The following BTBD9 variants were observed in gnomAD, a reference collection of about 807,000 sequenced individuals.
BTBD9 encodes BTB domain containing 9, also known as BTB/POZ domain-containing protein 9.
Under a neutral mutation model 64.3 loss-of-function variants are expected in BTBD9, and 49 were observed. That is an observed-to-expected ratio of 0.76 (90% CI 0.61 to 0.97). The LOEUF is 0.97. Among genes scored for constraint, BTBD9 ranks in the 50% least tolerant of loss-of-function variants. The probability of loss-of-function intolerance (pLI) is 0.00; values close to 1 mark genes in which losing one functional copy is unlikely to be tolerated. For missense variants in BTBD9, 598 were observed against 762.1 expected, an observed-to-expected ratio of 0.78 and a Z score of 2.53; for synonymous variants, 260 against 274.7, an observed-to-expected ratio of 0.95 and a Z score of 0.53.
chr6:38,330,876 G>C (rs896504116), intron 7 of BTBD9, among the ~76,000 whole-genome samples: 3 of 152,190 alleles, frequency 2.0e-5, no homozygotes, highest in South Asian at 2.1e-4. Flanking sequence ...AAACACAAAA[G>C]AAATGTTAAA....
At position 38,436,271 on chromosome 6, in the gene BTBD9, C is replaced by T. The variant is rs111485394; in HGVS notation, c.1155-91178G>A. On this transcript the variant is annotated intron_variant, in intron 6 of 10. Coordinates refer to ENST00000481247, the MANE Select transcript of BTBD9 (RefSeq NM_001099272.2). ...TCCTGTCTTAAATCCAAATCTCCCA[C>T]GCTACTTTCTATAAATACTTTATTT... 5.1e-3 allele frequency among the ~76,000 whole-genome samples: 776 copies of T among 151,896 alleles called. 16 individuals carry two copies. Among genetic ancestry groups the T allele is most frequent in the African/African-American group, 0.018 (724 of 41,228 alleles).
chr6:38,467,285 CAA>C (rs1770438323), intron 6 of BTBD9, among the ~76,000 whole-genome samples: 2 of 152,180 alleles, frequency 1.3e-5, no homozygotes, highest in Admixed American at 1.3e-4. Flanking sequence ...TTCTTTTCCT[CAA>C]AGTTTCTTCC....
At position 38,174,757 on chromosome 6, in the gene BTBD9, A is replaced by T; in HGVS notation, c.*228T>A. The T allele has an allele frequency of 1.8e-6, 1 of 556,896 alleles. No homozygotes were observed. Among genetic ancestry groups the T allele is most frequent in the East Asian group, 3.0e-5 (1 of 33,890 alleles). 34.5% of individuals were successfully genotyped at this position (556,896 alleles called of 1,614,324 possible). A position where few individuals can be genotyped will look rare whatever the true frequency, so the allele number is the denominator to read the frequency against. On this transcript the variant is annotated 3_prime_UTR_variant, in exon 11 of 11. Transcript: ENST00000481247. ...TGGACTTGATGAAGATTGAAGACCC[A>T]TTTTCTCCCCCTTGAGACCTGCCTG...
At chr6:38,551,832 A>G (rs964356475) in intron 6 of BTBD9, among the ~76,000 whole-genome samples, 3 of 152,252 alleles carry the variant, frequency 2.0e-5, no homozygotes, top group African/African-American at 7.2e-5. Context: ...AAAAGTGTAA[A>G]GAGACCTGCA....
intron 8 of BTBD9, among the ~76,000 whole-genome samples, chr6:38,275,014 A>C (rs995204621): frequency 1.3e-5 from 2 of 152,150 alleles, no homozygotes; most frequent in African/African-American, 4.8e-5. Context: ...GTTCATATGG[A>C]ACCAAAAAAG....
At chr6:38,600,792 T>A (rs1304394867) in intron 1 of BTBD9, among the ~76,000 whole-genome samples, 1 of 152,194 alleles carries the variant, frequency 6.6e-6, no homozygotes, top group Non-Finnish European at 1.5e-5. Context: ...TGATATATCA[T>A]AAACATTAAT....
intron 7 of BTBD9, among the ~76,000 whole-genome samples, chr6:38,303,846 T>G (rs1178754821): frequency 2.2e-5 from 2 of 90,532 alleles, no homozygotes; most frequent in South Asian, 3.8e-4. Context: ...GCTAGATATA[T>G]ATATATATAT....
At chr6:38,508,193 T>C (rs1352165531) in intron 6 of BTBD9, among the ~76,000 whole-genome samples, 1 of 152,084 alleles carries the variant, frequency 6.6e-6, no homozygotes, top group Non-Finnish European at 1.5e-5. Context: ...TGCTCAAATA[T>C]CTAGTTGACA....
rs183550362 is a variant in BTBD9 at position 38,399,950 on chromosome 6, C to T, written c.1155-54857G>A. ...TTTTTTTTTGTATTTTTAGTAGAGACGGGGTTTCTCTATGTTGGTCATGCT... is the reference window on the plus strand; with the variant it reads ...TTTTTTTTTGTATTTTTAGTAGAGATGGGGTTTCTCTATGTTGGTCATGCT... On this transcript the variant is annotated intron_variant, in intron 6 of 10. Coordinates refer to ENST00000481247, the MANE Select transcript of BTBD9 (RefSeq NM_001099272.2). Among the ~76,000 whole-genome samples, 602 of 149,566 alleles carry T rather than the reference C, an allele frequency of 4.0e-3. 3 individuals carry two copies. Among genetic ancestry groups the T allele is most frequent in the African/African-American group, 0.013 (540 of 40,536 alleles).
chr6:38,591,432 T>C (rs1454558988), intron 4 of BTBD9, among the ~76,000 whole-genome samples: 1 of 152,252 alleles, frequency 6.6e-6, no homozygotes, highest in Non-Finnish European at 1.5e-5. Flanking sequence ...TGAAGTTCTA[T>C]AACATGTACT....
chr6:38,258,252 T>C (rs62397015), intron 8 of BTBD9, among the ~76,000 whole-genome samples: 3,384 of 152,006 alleles, frequency 0.022, 135 homozygotes, highest in Admixed American at 0.093. Context: ...TCCCAAAGTG[T>C]TGGGATTACA....
intron 6 of BTBD9, among the ~76,000 whole-genome samples, chr6:38,554,638 A>T (rs1490339241): frequency 6.6e-6 from 1 of 152,234 alleles, no homozygotes; most frequent in African/African-American, 2.4e-5. Context: ...TGTGCATTGT[A>T]ATTTCAAGTG....
intron 9 of BTBD9, among the ~76,000 whole-genome samples, chr6:38,192,844 T>A (rs992735468): frequency 7.0e-6 from 1 of 142,284 alleles, no homozygotes. Context: ...GAATGTCACT[T>A]AGGCTTCTTA....
chr6:38,413,905 T>A (rs550127161), intron 6 of BTBD9, among the ~76,000 whole-genome samples: 1 of 152,308 alleles, frequency 6.6e-6, no homozygotes, highest in African/African-American at 2.4e-5. Flanking sequence ...ATGGTTGTAA[T>A]AAGGTGTCTA....
At chr6:38,397,792 TGATA>T (rs1454677541) in intron 6 of BTBD9, among the ~76,000 whole-genome samples, 5 of 152,146 alleles carry the variant, frequency 3.3e-5, no homozygotes, top group South Asian at 2.1e-4. Flanking sequence ...CACAAGACAG[TGATA>T]GATAGGGCTG....
intron 6 of BTBD9, among the ~76,000 whole-genome samples, chr6:38,447,677 C>G (rs1342313108): frequency 6.6e-6 from 1 of 152,084 alleles, no homozygotes; most frequent in Non-Finnish European, 1.5e-5. Flanking sequence ...GATTACAAAG[C>G]AAGAAAAAAT....
At chr6:38,628,904 T>C (rs967429252) in intron 1 of BTBD9, among the ~76,000 whole-genome samples, 7 of 151,884 alleles carry the variant, frequency 4.6e-5, no homozygotes, top group African/African-American at 1.7e-4. Context: ...GTAGGGAAAA[T>C]ATGAGATAAA....
rs1258502657 is a variant in BTBD9, at chr6:38,592,741, T to G, written c.649A>C (p.Asn217His). ...ACAGCCTGCATGATTTCAGCATGAT[T>G]CTCCTTTGAATTGTGCTTACACCAG... is the stretch of plus-strand genomic sequence containing the variant. ...LNWCKHNSKE[N>H]HAEIMQAVRL... Residue 217 changes from asparagine to histidine, a missense_variant, in exon 4 of 11, where the codon AAT becomes CAT. Coordinates refer to ENST00000481247, the MANE Select transcript of BTBD9 (RefSeq NM_001099272.2). 1.2e-6 allele frequency: 2 copies of G among 1,614,190 alleles called. No individual in the cohort carries two copies. Among genetic ancestry groups the G allele is most frequent in the Non-Finnish European group, 1.7e-6 (2 of 1,180,028 alleles).
chr6:38,405,660 T>C (rs532513978), intron 6 of BTBD9, among the ~76,000 whole-genome samples: 2 of 152,196 alleles, frequency 1.3e-5, no homozygotes, highest in South Asian at 4.1e-4. Flanking sequence ...GCAAATGATA[T>C]AAGGTTTTGT....
Sources: allele counts gnomAD v4.1 joint callset (sites outside exome capture counted in the v4.1 genomes callset), GRCh38; gene constraint gnomAD v4.1.1; transcripts MANE v1.5; gene names NCBI Gene and HGNC (gene_info 2026-07-23, HGNC 2026-07-21).